RABGEF1: variants seen among roughly 807,000 people sequenced by gnomAD.
The protein encoded by RABGEF1 is RAB guanine nucleotide exchange factor 1.
In RABGEF1, 26 loss-of-function variants were observed where a neutral mutation model predicts 57.3. The observed-to-expected ratio is 0.45, with a 90% CI of 0.33 to 0.63. RABGEF1 has a LOEUF of 0.63. Among genes scored for constraint, RABGEF1 ranks in the 20% least tolerant of loss-of-function variants. The pLI is 0.02. For missense variants in RABGEF1, 464 were observed against 607.6 expected (o/e 0.76, Z 2.48); for synonymous variants, 185 against 210.7 (o/e 0.88, Z 1.06).
Position 66,701,498 on chromosome 7 carries a change from C to CTTT in RABGEF1, c.-872-10652_-872-10650dup, listed in dbSNP as rs1261259435. Reference sequence around the variant, plus strand: ...TGGAGGACAGAGCGAGACTCTGACTCTTTTTTTTTTTTTTTTTTTAATTTT... The same window carrying CTTT: ...TGGAGGACAGAGCGAGACTCTGACTCTTTTTTTTTTTTTTTTTTTTTTAATTTT... On this transcript the variant is annotated intron_variant and NMD_transcript_variant, in intron 1 of 9. Coordinates refer to the RABGEF1 transcript ENST00000607882. Among the ~76,000 whole-genome samples the CTTT allele has an allele frequency of 2.6e-4, 33 of 128,808 alleles. 1 individual carries two copies. The highest frequency in any genetic ancestry group is 8.3e-4 in the African/African-American group (29 of 34,810). 84.5% of individuals were successfully genotyped at this position (128,808 alleles called of 152,430 possible). A position where few individuals can be genotyped will look rare whatever the true frequency, so the allele number is the denominator to read the frequency against.
upstream of RABGEF1, among the ~76,000 whole-genome samples, chr7:66,681,806 G>A (rs149419616): frequency 2.3e-3 from 356 of 152,264 alleles, no homozygotes; most frequent in Middle Eastern, 0.01. Flanking sequence ...CCTCCCATTC[G>A]CGCTTCCACC....
At chr7:66,718,235 C>T (rs1430672510) in intron 2 of RABGEF1, among the ~76,000 whole-genome samples, 3 of 152,104 alleles carry the variant, frequency 2.0e-5, no homozygotes, top group Admixed American at 1.3e-4. Flanking sequence ...ATCCCAGCTA[C>T]TCAGGAGGCT....
chr7:66,733,293 C>T (rs145706561), intron 2 of RABGEF1, among the ~76,000 whole-genome samples: 1 of 152,298 alleles, frequency 6.6e-6, no homozygotes, highest in Non-Finnish European at 1.5e-5. Context: ...AGTTGACCAC[C>T]CCCTCGAGGC....
At position 66,797,397 on chromosome 7, in the gene RABGEF1, A is replaced by G. The variant is rs1398406973; in HGVS notation, c.619A>G (p.Ile207Val). Reference sequence around the variant, plus strand: ...AGTGCCTCCAGAAAGAGTCGAGAAGATAATGGATCAGATTGAAAAGTACAT... The same window carrying G: ...AGTGCCTCCAGAAAGAGTCGAGAAGGTAATGGATCAGATTGAAAAGTACAT... The part of the protein sequence containing the change: ...GKVPPERVEK[I>V]MDQIEKYIMT... The change falls in exon 6 of 9, where the codon ATA becomes GTA. Residue 207 changes from isoleucine to valine, a missense_variant. Transcript: ENST00000284957. The G allele has an allele frequency of 1.9e-6, 3 of 1,611,266 alleles. No individual in the cohort carries two copies. The highest frequency in any genetic ancestry group is 2.5e-6 in the Non-Finnish European group (3 of 1,179,680).
At chr7:66,760,475 G>T (rs1166327766) in intron 1 of RABGEF1, among the ~76,000 whole-genome samples, 6 of 140,646 alleles carry the variant, frequency 4.3e-5, no homozygotes, top group Admixed American at 1.5e-4. Context: ...ACAGAGTCTC[G>T]CTCTATTGCC....
chr7:66,722,035 A>T (rs1250270983), intron 2 of RABGEF1, among the ~76,000 whole-genome samples: 4 of 152,128 alleles, frequency 2.6e-5, no homozygotes, highest in African/African-American at 9.7e-5. Context: ...AGCACATGCC[A>T]ATATACCTGA....
chr7:66,714,707 G>A lies in RABGEF1; in HGVS notation c.-815+2483G>A, dbSNP rs1373620085. Among the ~76,000 whole-genome samples the A allele has an allele frequency of 4.6e-5, 7 of 152,260 alleles. No homozygotes were observed. In the South Asian group the frequency reaches 6.2e-4, roughly 14 times the overall value. ...TCCCAGCACTTTGGGAGGCCCAGGC[G>A]GGCGGATCATGAGGTCAGGAGATCA... On this transcript the variant is annotated intron_variant and NMD_transcript_variant, in intron 2 of 9. Transcript: ENST00000607882.
chr7:66,788,280 A>G (rs916471125), intron 4 of RABGEF1, among the ~76,000 whole-genome samples: 2 of 152,116 alleles, frequency 1.3e-5, no homozygotes, highest in African/African-American at 4.8e-5. Context: ...CCCTGTCTCT[A>G]CTAAAAATAC....
At chr7:66,716,782 G>A (rs1353508897) in intron 2 of RABGEF1, among the ~76,000 whole-genome samples, 1 of 152,024 alleles carries the variant, frequency 6.6e-6, no homozygotes, top group African/African-American at 2.4e-5. Context: ...GCTCTCTTTT[G>A]TTTGTTTGAG....
chr7:66,662,571 G>GGCTTCCCAA, the RABGEF1 span, among the ~76,000 whole-genome samples: 6 of 152,216 alleles, frequency 3.9e-5, no homozygotes, highest in Admixed American at 1.3e-4. Context: ...CAGGCAGGGA[G>GGCTTCCCAA]GCTTCCCAAT....
upstream of RABGEF1, among the ~76,000 whole-genome samples, chr7:66,739,079 T>C (rs1258883097): frequency 6.6e-6 from 1 of 151,918 alleles, no homozygotes; most frequent in Non-Finnish European, 1.5e-5. Flanking sequence ...GCCTCCCAAG[T>C]TGCTGGGATT....
chr7:66,676,534 A>T, the RABGEF1 span, among the ~76,000 whole-genome samples: 1 of 152,206 alleles, frequency 6.6e-6, no homozygotes, highest in Non-Finnish European at 1.5e-5. Flanking sequence ...GGACCTACGC[A>T]GTTCGGACCT....
intron 1 of RABGEF1, among the ~76,000 whole-genome samples, chr7:66,711,640 G>A (rs930736585): frequency 6.6e-6 from 1 of 151,520 alleles, no homozygotes; most frequent in Non-Finnish European, 1.5e-5. Flanking sequence ...AGGCTGGGAT[G>A]CAGTGGCACA....
At chr7:66,740,209 G>C (rs1798598612), upstream of RABGEF1, 1 of 152,832 alleles carries the variant, frequency 6.5e-6, no homozygotes, top group Non-Finnish European at 1.5e-5. Flanking sequence ...CTGGACTCAA[G>C]CGATCCTCCT....
At chr7:66,748,874 CT>C in intron 1 of RABGEF1, 1 of 240,924 alleles carries the variant, frequency 4.2e-6, no homozygotes, top group South Asian at 7.0e-5. Context: ...GTTTCAGCAC[CT>C]TATTGAAACC....
In RABGEF1 at chr7:66,809,467, A is replaced by G; in HGVS notation, c.*183A>G. The G allele has an allele frequency of 5.2e-6, 3 of 577,666 alleles. No homozygotes were observed. The highest frequency in any genetic ancestry group is 8.3e-6 in the Non-Finnish European group (3 of 360,774). The allele number at this position is 577,666 out of a possible 1,614,324, so 35.8% of individuals were successfully genotyped here. Reference sequence around the variant, plus strand: ...GAACCTTAGTTAATAATAAAATACTACTTATTTGAGTTACTGATACAGATT... The same window carrying G: ...GAACCTTAGTTAATAATAAAATACTGCTTATTTGAGTTACTGATACAGATT... On this transcript the variant is annotated 3_prime_UTR_variant, in exon 9 of 9. Transcript: ENST00000284957.
chr7:66,777,323 T>A (rs1391609711), intron 3 of RABGEF1, among the ~76,000 whole-genome samples: 1 of 152,126 alleles, frequency 6.6e-6, no homozygotes, highest in African/African-American at 2.4e-5. Flanking sequence ...GTTAACTAAT[T>A]TACCCAAGGT....
the RABGEF1 span, among the ~76,000 whole-genome samples, chr7:66,656,820 CAA>C: frequency 8.4e-3 from 623 of 73,838 alleles, 3 homozygotes; most frequent in African/African-American, 0.029. Flanking sequence ...AACTGCATCT[CAA>C]AAAAAAAAAA....
At chr7:66,718,787 A>G (rs1795685962) in intron 2 of RABGEF1, among the ~76,000 whole-genome samples, 1 of 152,218 alleles carries the variant, frequency 6.6e-6, no homozygotes, top group African/African-American at 2.4e-5. Flanking sequence ...ATGCACACAC[A>G]TGCAGCTCAG....
Sources: allele counts gnomAD v4.1 joint callset (sites outside exome capture counted in the v4.1 genomes callset), GRCh38; gene constraint gnomAD v4.1.1; transcripts MANE v1.5; gene names NCBI Gene and HGNC (gene_info 2026-07-23, HGNC 2026-07-21).